The following LZTS2 variants were observed in gnomAD, a reference collection of about 807,000 sequenced individuals.
LZTS2 encodes the protein leucine zipper putative tumor suppressor 2.
In LZTS2, 32 loss-of-function variants were observed where a neutral mutation model predicts 60.6. That is an observed-to-expected ratio of 0.53 (90% CI 0.40 to 0.71). The LOEUF (loss-of-function observed/expected upper bound fraction) is 0.71, where lower values mean the gene tolerates loss of function less well. Ranked by LOEUF, LZTS2 falls within the 30% of genes least tolerant of loss-of-function variation. LZTS2 has a pLI of 0.00. For missense variants in LZTS2, 792 were observed against 901.9 expected (o/e 0.88, Z 1.56); for synonymous variants, 360 against 393.1 (o/e 0.92, Z 1.00).
chr10:101,006,883 G>A, exon 4 of LZTS2: 1 of 1,533,246 alleles, frequency 6.5e-7, no homozygotes, highest in Non-Finnish European at 8.8e-7. Flanking sequence ...GGGCCCAGGT[G>A]GAGCGATTGC....
rs570586218 is a variant in LZTS2, at chr10:101,002,976, G to A, written c.408+30G>A. ...GGACCGGCTCTTCCTTGTGGGCCTGGGTAGAACGGGAGTCCTCGCTTGGGA... is the reference window on the plus strand; with the variant it reads ...GGACCGGCTCTTCCTTGTGGGCCTGAGTAGAACGGGAGTCCTCGCTTGGGA... On this transcript the variant is annotated intron_variant, in intron 1 of 3. Coordinates refer to ENST00000370220, the Ensembl canonical transcript of LZTS2. 488 of 1,578,810 alleles carry A rather than the reference G, an allele frequency of 3.1e-4. 8 individuals are homozygous for A. The South Asian group carries it at 5.3e-3, about 17-fold the overall frequency.
At chr10:100,999,898 C>T (rs112191456) in exon 1 of LZTS2, 57,027 of 151,588 alleles carry the variant, frequency 0.38, 12,985 homozygotes, top group Middle Eastern at 0.55. Context: ...CCGGGCGGCG[C>T]GCCTGTGGAG....
At chr10:101,004,127 G>T in exon 2 of LZTS2, 2 of 1,612,340 alleles carry the variant, frequency 1.2e-6, no homozygotes, top group African/African-American at 1.3e-5. Flanking sequence ...TTCAGCAGCT[G>T]CGGGACAGTC....
exon 1 of LZTS2, chr10:101,000,033 C>A: frequency 6.6e-6 from 1 of 152,500 alleles, no homozygotes; most frequent in South Asian, 2.0e-4. Context: ...GGACGGCGTT[C>A]CCCAGTCGCC....
intron 1 of LZTS2, 116 bp from the exon 3 acceptor site, chr10:101,003,391 G>A (rs759121213): frequency 2.3e-5 from 26 of 1,113,898 alleles, no homozygotes; most frequent in African/African-American, 4.7e-5. Flanking sequence ...ACCAGTGGCC[G>A]CAATTGTTAT....
At chr10:101,007,501 G>T in exon 4 of LZTS2, 2 of 1,383,560 alleles carry the variant, frequency 1.4e-6, no homozygotes, top group Non-Finnish European at 1.9e-6. Context: ...GAAGAAGAAG[G>T]GGCTCCCTCC....
At chr10:101,006,957 G>T (rs140718760) in exon 4 of LZTS2, 1 of 1,545,412 alleles carries the variant, frequency 6.5e-7, no homozygotes, top group African/African-American at 1.4e-5. Context: ...GAGGGGGAGC[G>T]GCTGGCCTGG....
exon 4 of LZTS2, chr10:101,007,470 C>T (rs1177864793): frequency 3.5e-6 from 5 of 1,442,164 alleles, no homozygotes; most frequent in Non-Finnish European, 4.6e-6. Context: ...GCTTCCAGCC[C>T]ACTCCAGCCA....
intron 1 of LZTS2, 60 bp downstream of exon 2, chr10:101,003,006 G>A: frequency 6.6e-7 from 1 of 1,525,958 alleles, no homozygotes; most frequent in Non-Finnish European, 8.8e-7. Flanking sequence ...TTGGGAAACT[G>A]GAATTTAGAA....
chr10:100,999,286 C>G (rs1232159977), upstream of LZTS2, among the ~76,000 whole-genome samples: 1 of 152,196 alleles, frequency 6.6e-6, no homozygotes, highest in Non-Finnish European at 1.5e-5. Context: ...GTCGCCTCCG[C>G]GAAGCCCAGG....
chr10:101,006,930 A>G, exon 4 of LZTS2: 1 of 1,534,964 alleles, frequency 6.5e-7, no homozygotes, highest in Non-Finnish European at 8.8e-7. Context: ...CGGGGTGAGG[A>G]GCAGCGGGAC....
chr10:101,001,826 G>A (rs1035720088), exon 1 of LZTS2: 2 of 152,286 alleles, frequency 1.3e-5, no homozygotes, highest in African/African-American at 4.8e-5. Flanking sequence ...TCACCGATTG[G>A]GTGTGCAGAG....
exon 4 of LZTS2, chr10:101,007,080 AGCT>A (rs1852232939): frequency 1.2e-6 from 2 of 1,609,372 alleles, no homozygotes; most frequent in Non-Finnish European, 1.7e-6. Context: ...CTCAGCCTGG[AGCT>A]GGAGGCCCGG....
chr10:101,007,447 C>G (rs1260541962), exon 4 of LZTS2: 5 of 1,473,888 alleles, frequency 3.4e-6, no homozygotes, highest in Admixed American at 4.2e-5. Flanking sequence ...CACTGCCAAC[C>G]CTGTTCACAG....
At chr10:101,007,542 A>G in exon 4 of LZTS2, 2 of 1,320,796 alleles carry the variant, frequency 1.5e-6, no homozygotes, top group African/African-American at 1.5e-5. Context: ...CCAAAGCCAG[A>G]GAAAGCCAGA....
At position 101,005,444 on chromosome 10, in the gene LZTS2, C is replaced by T; in HGVS notation, c.1069-14C>T. On this transcript the variant is annotated splice_polypyrimidine_tract_variant and intron_variant, in intron 2 of 3. Transcript: ENST00000370220. Reference sequence around the variant, plus strand: ...AAAACTGCCCAGGAGCCAGGTCTCTCTTCTCGCCTGCAGGCATACGAGGAG... The same window carrying T: ...AAAACTGCCCAGGAGCCAGGTCTCTTTTCTCGCCTGCAGGCATACGAGGAG... 3.2e-6 allele frequency: 5 copies of T among 1,540,698 alleles called. No individual in the cohort carries two copies. The highest frequency in any genetic ancestry group is 4.4e-6 in the Non-Finnish European group (5 of 1,143,014).
chr10:101,002,335 T>G, exon 1 of LZTS2: 4 of 481,164 alleles, frequency 8.3e-6, no homozygotes, highest in African/African-American at 2.0e-5. Context: ...GGCAGTGTGG[T>G]TTGGGGCCCA....
exon 1 of LZTS2, chr10:101,000,301 G>T (rs959165867): frequency 6.6e-6 from 1 of 152,298 alleles, no homozygotes; most frequent in African/African-American, 2.4e-5. Flanking sequence ...TGGGGAGAAT[G>T]AGGGGTTCCC....
Position 101,006,573 on chromosome 10 carries a change from T to C in LZTS2, c.1415T>C (p.Val472Ala), listed in dbSNP as rs761822146. The C allele has an allele frequency of 3.7e-6, 6 of 1,610,898 alleles. No homozygotes were observed. The highest frequency in any genetic ancestry group is 4.2e-6 in the Non-Finnish European group (5 of 1,179,512). Reference sequence around the variant, plus strand: ...CTGGTGCAGAAGGGCAGCGAGCTGGTGGCTCTGCGGGTGGCGCTGCGGGAG... The same window carrying C: ...CTGGTGCAGAAGGGCAGCGAGCTGGCGGCTCTGCGGGTGGCGCTGCGGGAG... The change falls in exon 4 of 4, where the codon GTG (valine) becomes GCG (alanine). Residue 472 changes from valine (V) to alanine (A), a missense_variant. Coordinates refer to ENST00000370220, the Ensembl canonical transcript of LZTS2.
Sources: allele counts gnomAD v4.1 joint callset (sites outside exome capture counted in the v4.1 genomes callset), GRCh38; gene constraint gnomAD v4.1.1; transcripts MANE v1.5; gene names NCBI Gene and HGNC (gene_info 2026-07-23, HGNC 2026-07-21).